The following ARMH4 variants were observed in gnomAD, a reference collection of about 807,000 sequenced individuals.
ARMH4 encodes the protein armadillo like helical domain containing 4.
In ARMH4, 49 loss-of-function variants were observed where a neutral mutation model predicts 61.9. That is an observed-to-expected ratio of 0.79 (90% CI 0.63 to 1.00). The LOEUF (loss-of-function observed/expected upper bound fraction) is 1.00, where lower values mean the gene tolerates loss of function less well. Ranked by LOEUF, ARMH4 falls within the 50% of genes least tolerant of loss-of-function variation. The probability of loss-of-function intolerance (pLI) is 0.00; values close to 1 mark genes in which losing one functional copy is unlikely to be tolerated. For missense variants in ARMH4, 934 were observed against 930.0 expected, an observed-to-expected ratio of 1.00 and a Z score of -0.06; for synonymous variants, 368 against 341.5, an observed-to-expected ratio of 1.08 and a Z score of -0.85.
chr14:58,127,957 C>A (rs1034041789), intron 4 of ARMH4, among the ~76,000 whole-genome samples: 1 of 152,186 alleles, frequency 6.6e-6, no homozygotes, highest in East Asian at 1.9e-4. Context: ...AACCTACTAT[C>A]TGACACAAAT....
intron 1 of ARMH4, among the ~76,000 whole-genome samples, chr14:58,151,449 G>C (rs995810097): frequency 6.6e-6 from 1 of 152,122 alleles, no homozygotes; most frequent in African/African-American, 2.4e-5. Context: ...CTAATTAAGT[G>C]ACCTTTCCAA....
intron 6 of ARMH4, among the ~76,000 whole-genome samples, chr14:58,010,254 AT>A (rs533818639): frequency 6.6e-6 from 1 of 152,196 alleles, no homozygotes. Context: ...ATGTATATAT[AT>A]ATATGTGTGT....
intron 1 of ARMH4, among the ~76,000 whole-genome samples, chr14:58,150,882 C>T (rs1042816600): frequency 1.3e-5 from 2 of 152,328 alleles, no homozygotes; most frequent in East Asian, 1.9e-4. Context: ...TGGGGTTCTA[C>T]TGGCATACGT....
At chr14:58,011,120 G>A (rs1158699995) in intron 6 of ARMH4, among the ~76,000 whole-genome samples, 3 of 151,892 alleles carry the variant, frequency 2.0e-5, no homozygotes, top group Non-Finnish European at 4.4e-5. Context: ...ACCTCAACAG[G>A]CTTAAAATTT....
chr14:58,120,633 A>C (rs1251812255), intron 4 of ARMH4, among the ~76,000 whole-genome samples: 1 of 152,174 alleles, frequency 6.6e-6, no homozygotes, highest in Non-Finnish European at 1.5e-5. Context: ...GGTCAGGAAG[A>C]CCTGGGATTG....
chr14:58,095,574 A>AT (rs1885720862), intron 5 of ARMH4, among the ~76,000 whole-genome samples: 1 of 152,204 alleles, frequency 6.6e-6, no homozygotes. Context: ...TTTTTAAAGT[A>AT]ATCATTGCCC....
chr14:58,041,722 T>C (rs1227058219), intron 5 of ARMH4, among the ~76,000 whole-genome samples: 4 of 151,898 alleles, frequency 2.6e-5, no homozygotes, highest in Non-Finnish European at 5.9e-5. Context: ...GAGACACACA[T>C]AGGATCAAAA....
intron 4 of ARMH4, among the ~76,000 whole-genome samples, chr14:58,110,629 C>T (rs1176103926): frequency 6.6e-6 from 1 of 152,058 alleles, no homozygotes; most frequent in East Asian, 1.9e-4. Context: ...AAGTATGGGG[C>T]AATTTATCTT....
At chr14:58,045,621 A>AAG (rs1883911569) in intron 5 of ARMH4, among the ~76,000 whole-genome samples, 1 of 152,102 alleles carries the variant, frequency 6.6e-6, no homozygotes, top group Non-Finnish European at 1.5e-5. Flanking sequence ...TAAAAAAAAA[A>AAG]AAAGAAACAC....
intron 5 of ARMH4, among the ~76,000 whole-genome samples, chr14:58,063,632 C>T (rs1202268304): frequency 1.4e-5 from 2 of 146,420 alleles, no homozygotes; most frequent in Non-Finnish European, 1.5e-5. Context: ...ATTTTTAGAA[C>T]TCTGCTTTGA....
intron 5 of ARMH4, among the ~76,000 whole-genome samples, chr14:58,038,194 C>A (rs1176739395): frequency 4.0e-5 from 2 of 49,982 alleles, no homozygotes; most frequent in Non-Finnish European, 8.2e-5. Flanking sequence ...AAATGTGGCA[C>A]ATATACACCA....
intron 4 of ARMH4, among the ~76,000 whole-genome samples, chr14:58,127,468 G>C (rs1886935349): frequency 6.6e-6 from 1 of 152,112 alleles, no homozygotes; most frequent in African/African-American, 2.4e-5. Context: ...GGCCTCCCCA[G>C]CCATGTGGAA....
chr14:58,099,402 G>A (rs995041912), intron 4 of ARMH4, among the ~76,000 whole-genome samples: 4 of 152,166 alleles, frequency 2.6e-5, no homozygotes, highest in Non-Finnish European at 4.4e-5. Context: ...CAAGAAGTGT[G>A]TGGTGTCAGG....
chr14:58,065,037 A>AT (rs1467194228), intron 5 of ARMH4, among the ~76,000 whole-genome samples: 10 of 152,254 alleles, frequency 6.6e-5, no homozygotes, highest in African/African-American at 2.4e-4. Flanking sequence ...AGGCCAAGAG[A>AT]TTGAGACCAT....
chr14:58,005,118 A>G lies in ARMH4; in HGVS notation c.2186T>C (p.Leu729Ser). 7 of 1,614,088 alleles carry G rather than the reference A, an allele frequency of 4.3e-6. No individual in the cohort carries two copies. The highest frequency in any genetic ancestry group is 5.9e-6 in the Non-Finnish European group (7 of 1,179,962). ...GVGIAGALFI[L>S]GALYSIKVMN... ...AACCTTAATGCTGTAGAGGGCTCCC[A>G]AGATGAACAAGGCTCCAGCTATCCC... is the stretch of plus-strand genomic sequence containing the variant. The change falls in exon 7 of 8, where the codon TTG becomes TCG. Residue 729 changes from leucine (L) to serine (S), a missense_variant. Coordinates refer to ENST00000267485, the MANE Select transcript of ARMH4 (RefSeq NM_001001872.4).
chr14:58,148,604 C>A (rs1417519352), intron 1 of ARMH4, among the ~76,000 whole-genome samples: 1 of 152,040 alleles, frequency 6.6e-6, no homozygotes, highest in Non-Finnish European at 1.5e-5. Context: ...GGAGAGATTC[C>A]ATAAATATTT....
At chr14:58,063,501 A>C (rs1884596798) in intron 5 of ARMH4, among the ~76,000 whole-genome samples, 1 of 151,356 alleles carries the variant, frequency 6.6e-6, no homozygotes, top group Non-Finnish European at 1.5e-5. Context: ...GTGTTCTTTT[A>C]AAATAACATT....
rs114355684 is a variant in ARMH4, at chr14:58,051,014, T to C, written c.2090-38864A>G. Among the ~76,000 whole-genome samples, 1,082 of 151,878 alleles carry C rather than the reference T, an allele frequency of 7.1e-3. 13 individuals are homozygous for C. Among genetic ancestry groups the C allele is most frequent in the African/African-American group, 0.021 (876 of 41,380 alleles). On this transcript the variant is annotated intron_variant, in intron 5 of 7. Transcript: ENST00000267485. ...TACAATTAAAGGAAAGATTCCCTATTTATTATTCTTTCTACACTGTAATGT... is the reference window on the plus strand; with the variant it reads ...TACAATTAAAGGAAAGATTCCCTATCTATTATTCTTTCTACACTGTAATGT...
At chr14:58,117,132 A>G (rs184706263) in intron 4 of ARMH4, among the ~76,000 whole-genome samples, 65 of 152,292 alleles carry the variant, frequency 4.3e-4, no homozygotes, top group Non-Finnish European at 8.1e-4. Flanking sequence ...TCTGCTCATT[A>G]AATAACTCAC....
Sources: gnomAD v4.1 joint callset for allele counts (sites outside exome capture counted in the v4.1 genomes callset) on GRCh38, gnomAD v4.1.1 for gene constraint, MANE v1.5 for transcripts, NCBI Gene and HGNC (gene_info 2026-07-23, HGNC 2026-07-21) for gene names.